Variants in SLC25A21 observed in about 807,000 individuals in gnomAD.
SLC25A21 encodes the protein mitochondrial 2-oxodicarboxylate carrier.
In SLC25A21, 47 loss-of-function variants were observed where a neutral mutation model predicts 43.8. The observed-to-expected ratio is 1.07, with a 90% confidence interval of 0.85 to 1.37. The LOEUF is 1.37. Ranked by LOEUF, SLC25A21 falls within the 40% of genes most tolerant of loss-of-function variation. The probability of loss-of-function intolerance (pLI) is 0.00; values close to 1 mark genes in which losing one functional copy is unlikely to be tolerated. For missense variants in SLC25A21, 352 were observed against 350.2 expected (o/e 1.00, Z -0.04); for synonymous variants, 131 against 121.3 (o/e 1.08, Z -0.52).
intron 2 of SLC25A21, among the ~76,000 whole-genome samples, chr14:36,826,801 C>T (rs969500705): frequency 6.6e-6 from 1 of 152,174 alleles, no homozygotes; most frequent in Non-Finnish European, 1.5e-5. Context: ...AGGAGTCATA[C>T]GGCCTCCATT....
At chr14:36,756,456 G>A (rs939387567) in intron 3 of SLC25A21, among the ~76,000 whole-genome samples, 23 of 152,224 alleles carry the variant, frequency 1.5e-4, no homozygotes, top group Non-Finnish European at 3.2e-4. Context: ...AATCCAGTGA[G>A]GAGATTTTAA....
intron 1 of SLC25A21, among the ~76,000 whole-genome samples, chr14:36,884,515 A>C (rs1207237947): frequency 6.6e-6 from 1 of 152,162 alleles, no homozygotes; most frequent in African/African-American, 2.4e-5. Flanking sequence ...TGGATCATAT[A>C]TGGTAATTCT....
At chr14:36,779,609 CATATATATATAT>C (rs35392668) in intron 3 of SLC25A21, among the ~76,000 whole-genome samples, 6,352 of 122,458 alleles carry the variant, frequency 0.052, 287 homozygotes, top group South Asian at 0.18. Context: ...TATGTGTATA[CATATATATATAT>C]ATATATATAT....
At chr14:37,119,697 C>G (rs1216785628) in intron 1 of SLC25A21, among the ~76,000 whole-genome samples, 1 of 152,200 alleles carries the variant, frequency 6.6e-6, no homozygotes, top group Non-Finnish European at 1.5e-5. Context: ...ATTCTATATT[C>G]TATGGATTTG....
chr14:36,789,813 A>ATT (rs1887393611), intron 3 of SLC25A21, among the ~76,000 whole-genome samples: 1 of 93,836 alleles, frequency 1.1e-5, no homozygotes. Context: ...TATATATTAT[A>ATT]TATAATATAT....
chr14:36,827,702 G>T (rs986005360), intron 2 of SLC25A21, among the ~76,000 whole-genome samples: 4 of 152,106 alleles, frequency 2.6e-5, no homozygotes, highest in Non-Finnish European at 5.9e-5. Flanking sequence ...CTTGTGTCAG[G>T]TTAGGTTTCA....
intron 4 of SLC25A21, among the ~76,000 whole-genome samples, chr14:36,732,802 G>A (rs182583541): frequency 6.6e-6 from 1 of 152,212 alleles, no homozygotes; most frequent in Admixed American, 6.5e-5. Context: ...CATAAATTGT[G>A]TTGAAAAACT....
chr14:37,002,799 T>C (rs1048533600), intron 1 of SLC25A21, among the ~76,000 whole-genome samples: 1 of 152,212 alleles, frequency 6.6e-6, no homozygotes, highest in Non-Finnish European at 1.5e-5. Context: ...GTCCATGATA[T>C]TCTGGTGCTT....
Position 36,922,737 on chromosome 14 carries a change from G to T in SLC25A21, c.71-47733C>A, listed in dbSNP as rs996369833. ...AACATTCAGTATAGACTCCAGAGGGGTCACATTTGTCACAGGTTCAAACTA... is the reference window on the plus strand; with the variant it reads ...AACATTCAGTATAGACTCCAGAGGGTTCACATTTGTCACAGGTTCAAACTA... On this transcript the variant is annotated intron_variant, in intron 1 of 9. Transcript: ENST00000331299. Among the ~76,000 whole-genome samples, 7 of 152,190 alleles carry T rather than the reference G, an allele frequency of 4.6e-5. No homozygotes were observed. In the South Asian group the frequency reaches 1.5e-3, roughly 32 times the overall value.
At chr14:36,927,893 G>A (rs1254266482) in intron 1 of SLC25A21, among the ~76,000 whole-genome samples, 2 of 152,082 alleles carry the variant, frequency 1.3e-5, no homozygotes, top group Non-Finnish European at 2.9e-5. Flanking sequence ...CAGAGCATGA[G>A]CAACTACTTA....
At chr14:36,692,982 T>C (rs1206776255) in intron 7 of SLC25A21, among the ~76,000 whole-genome samples, 2 of 152,194 alleles carry the variant, frequency 1.3e-5, no homozygotes, top group Non-Finnish European at 2.9e-5. Context: ...AGAACTCAAT[T>C]CTGTGACTCA....
intron 3 of SLC25A21, among the ~76,000 whole-genome samples, chr14:36,799,441 G>A (rs1281896191): frequency 6.6e-6 from 1 of 152,086 alleles, no homozygotes; most frequent in African/African-American, 2.4e-5. Context: ...ATGCATGACA[G>A]AGCCCATGCC....
At chr14:37,095,355 T>C (rs950950067) in intron 1 of SLC25A21, among the ~76,000 whole-genome samples, 1 of 151,902 alleles carries the variant, frequency 6.6e-6, no homozygotes, top group Non-Finnish European at 1.5e-5. Context: ...CTGTCTCTAC[T>C]AAAAATACAA....
intron 2 of SLC25A21, among the ~76,000 whole-genome samples, chr14:36,846,060 C>A (rs1889531060): frequency 6.6e-6 from 1 of 152,132 alleles, no homozygotes; most frequent in African/African-American, 2.4e-5. Flanking sequence ...TTATTTGCTC[C>A]TTTATACCCA....
chr14:36,953,249 C>T (rs980804839), intron 1 of SLC25A21, among the ~76,000 whole-genome samples: 2 of 152,296 alleles, frequency 1.3e-5, no homozygotes, highest in Non-Finnish European at 2.9e-5. Context: ...TATTTTTGGG[C>T]TGCTTTGTGT....
chr14:36,831,348 TATTGTA>T (rs1380714468), intron 2 of SLC25A21, among the ~76,000 whole-genome samples: 2 of 152,220 alleles, frequency 1.3e-5, no homozygotes, highest in Non-Finnish European at 2.9e-5. Context: ...TAAGACACTG[TATTGTA>T]GGAAGCTGTA....
At chr14:36,875,922 A>G (rs963504014) in intron 1 of SLC25A21, among the ~76,000 whole-genome samples, 4 of 152,214 alleles carry the variant, frequency 2.6e-5, no homozygotes, top group African/African-American at 9.6e-5. Context: ...AGTCATCATT[A>G]TGGTATTATA....
intron 3 of SLC25A21, among the ~76,000 whole-genome samples, chr14:36,795,823 A>G (rs1031646593): frequency 6.6e-6 from 1 of 152,214 alleles, no homozygotes; most frequent in African/African-American, 2.4e-5. Flanking sequence ...TTGGAGAACC[A>G]TATCAGTACT....
At chr14:37,068,946 G>A (rs904855264) in intron 1 of SLC25A21, among the ~76,000 whole-genome samples, 12 of 152,092 alleles carry the variant, frequency 7.9e-5, no homozygotes, top group African/African-American at 2.9e-4. Context: ...AGGTCGAGGC[G>A]GGCAGATAAC....
Sources: allele counts gnomAD v4.1 joint callset (sites outside exome capture counted in the v4.1 genomes callset), GRCh38; gene constraint gnomAD v4.1.1; transcripts MANE v1.5; gene names NCBI Gene and HGNC (gene_info 2026-07-23, HGNC 2026-07-21).